ABCB5: variants seen among roughly 807,000 people sequenced by gnomAD.
ABCB5 encodes ATP binding cassette subfamily B member 5.
Under a neutral mutation model 144.2 loss-of-function variants are expected in ABCB5, and 155 were observed. The ratio of observed to expected loss-of-function variants is 1.08; its 90% CI spans 0.94 to 1.23. The LOEUF (loss-of-function observed/expected upper bound fraction) is 1.23. ABCB5 is among the 50% of genes most tolerant of loss of function. The pLI is 0.00. For synonymous variants in ABCB5, 610 were observed against 528.6 expected, an observed-to-expected ratio of 1.15 and a Z score of -2.11; for missense variants, 1,830 against 1,520.8, an observed-to-expected ratio of 1.20 and a Z score of -3.38.
intron 23 of ABCB5, among the ~76,000 whole-genome samples, chr7:20,732,529 T>A (rs1200582059): frequency 6.6e-6 from 1 of 152,226 alleles, no homozygotes; most frequent in Non-Finnish European, 1.5e-5. Context: ...ATTGAATGAA[T>A]GACTGAATCA....
chr7:20,668,207 T>C (rs1785278732), intron 14 of ABCB5, among the ~76,000 whole-genome samples: 1 of 147,482 alleles, frequency 6.8e-6, no homozygotes, highest in African/African-American at 2.6e-5. Flanking sequence ...GAGGAGCCTC[T>C]CTGCCTGGCT....
At chr7:20,627,512 G>C (rs535134962) in intron 3 of ABCB5, among the ~76,000 whole-genome samples, 1 of 151,428 alleles carries the variant, frequency 6.6e-6, no homozygotes, top group African/African-American at 2.4e-5. Context: ...TTTTATTTTG[G>C]CCTCTCTCGG....
At chr7:20,665,814 T>C (rs1273469181) in intron 14 of ABCB5, among the ~76,000 whole-genome samples, 3 of 138,702 alleles carry the variant, frequency 2.2e-5, no homozygotes, top group East Asian at 4.4e-4. Context: ...CATACAGATA[T>C]AGATATACAA....
intron 14 of ABCB5, among the ~76,000 whole-genome samples, chr7:20,676,739 T>A (rs900782520): frequency 5.3e-5 from 8 of 152,216 alleles, no homozygotes; most frequent in Non-Finnish European, 1.0e-4. Context: ...AGAGGATAGA[T>A]CTCATGTGAA....
At chr7:20,633,600 C>T (rs948220838) in intron 5 of ABCB5, among the ~76,000 whole-genome samples, 7 of 152,066 alleles carry the variant, frequency 4.6e-5, no homozygotes, top group African/African-American at 1.7e-4. Flanking sequence ...AAACATTTGT[C>T]GTTTCTTCGT....
At chr7:20,722,193 T>G (rs997462198) in intron 20 of ABCB5, among the ~76,000 whole-genome samples, 4 of 152,210 alleles carry the variant, frequency 2.6e-5, no homozygotes, top group African/African-American at 7.2e-5. Context: ...TAAGTTAGGG[T>G]TGAAGAGATG....
intron 14 of ABCB5, among the ~76,000 whole-genome samples, chr7:20,679,973 T>G (rs1434546068): frequency 6.6e-6 from 1 of 151,734 alleles, no homozygotes; most frequent in African/African-American, 2.4e-5. Context: ...AACCTATAAA[T>G]AGTAGGGGGA....
At chr7:20,690,994 T>C (rs1786202027) in intron 16 of ABCB5, among the ~76,000 whole-genome samples, 3 of 151,950 alleles carry the variant, frequency 2.0e-5, no homozygotes, top group Non-Finnish European at 4.4e-5. Flanking sequence ...ACTAAGAAAC[T>C]GAACAAAATA....
chr7:20,733,584 G>C (rs1334464730), intron 23 of ABCB5, among the ~76,000 whole-genome samples: 17 of 151,758 alleles, frequency 1.1e-4, no homozygotes, highest in Non-Finnish European at 4.4e-5. Context: ...GGAAGAAATA[G>C]AGAGCTATCT....
At chr7:20,725,708 T>A (rs1298322465) in intron 21 of ABCB5, among the ~76,000 whole-genome samples, 3 of 152,212 alleles carry the variant, frequency 2.0e-5, no homozygotes. Context: ...TTCATTCCTT[T>A]TTTTATCTTC....
At chr7:20,750,621 T>C (rs1412192231) in intron 26 of ABCB5, among the ~76,000 whole-genome samples, 1 of 152,146 alleles carries the variant, frequency 6.6e-6, no homozygotes, top group African/African-American at 2.4e-5. Flanking sequence ...ATATATTATC[T>C]ATTAAATATA....
At chr7:20,733,133 G>C (rs1430052796) in intron 23 of ABCB5, among the ~76,000 whole-genome samples, 1 of 152,124 alleles carries the variant, frequency 6.6e-6, no homozygotes, top group Non-Finnish European at 1.5e-5. Context: ...GCAGAGCACA[G>C]ATTCAAGTTC....
chr7:20,742,906 A>T lies in ABCB5; in HGVS notation c.3054A>T (p.Arg1018=), dbSNP rs1255877800. 7.4e-6 allele frequency: 12 copies of T among 1,614,096 alleles called. No homozygotes were observed. The highest frequency in any genetic ancestry group is 4.0e-5 in the African/African-American group (3 of 74,944). Residue 1018 remains arginine, a synonymous_variant, in exon 25 of 28, where the codon CGA becomes CGT. Coordinates refer to ENST00000404938, the MANE Select transcript of ABCB5 (RefSeq NM_001163941.2). ...PDTCEGNLEF[R]EVSFFYPCRP... ...CATGTGAAGGGAATTTAGAGTTTCG[A>T]GAAGTCTCTTTCTTCTATCCATGTC...
chr7:20,646,081 T>G lies in ABCB5; in HGVS notation c.924T>G (p.Tyr308Ter). 1 of 1,613,832 alleles carries G rather than the reference T, an allele frequency of 6.2e-7. No individual in the cohort carries two copies. The highest frequency in any genetic ancestry group is 8.5e-7 in the Non-Finnish European group (1 of 1,179,776). Residue 308 changes from tyrosine to a stop codon, truncating the protein, a stop_gained, in exon 9 of 28, where the codon TAT becomes TAG. Coordinates refer to ENST00000404938, the MANE Select transcript of ABCB5 (RefSeq NM_001163941.2). LOFTEE classifies it high-confidence loss of function. Reference sequence around the variant, plus strand: ...GAACCTATGGACTTGCTTTTTGGTATGGAACCTCCTTGATTCTTAATGGAG... The same window carrying G: ...GAACCTATGGACTTGCTTTTTGGTAGGGAACCTCCTTGATTCTTAATGGAG... ...MNGTYGLAFWYGTSLILNGEP... is the reference protein window; with the variant it reads ...MNGTYGLAFW
Position 20,628,813 on chromosome 7 carries a change from T to TG in ABCB5, c.236dup (p.Cys80MetfsTer6), listed in dbSNP as rs1210549895. ...GAGAAATGAGTGATAACCTTATTAG[T>TG]GGATGTCTAGTCCAAACTAACACAA... On this transcript the variant is annotated frameshift_variant, in exon 4 of 28. Coordinates refer to ENST00000404938, the MANE Select transcript of ABCB5 (RefSeq NM_001163941.2). LOFTEE classifies it high-confidence loss of function. The TG allele has an allele frequency of 1.9e-6, 3 of 1,613,738 alleles. No individual in the cohort carries two copies. The Admixed American group carries it at 5.0e-5, about 27-fold the overall frequency.
At chr7:20,618,229 C>G (rs944728251) in intron 1 of ABCB5, among the ~76,000 whole-genome samples, 2 of 152,172 alleles carry the variant, frequency 1.3e-5, no homozygotes, top group East Asian at 3.8e-4. Context: ...CACCCAGCAA[C>G]TACTAACTTA....
At position 20,651,427 on chromosome 7, in the gene ABCB5, T is replaced by A. The variant is rs777813820; in HGVS notation, c.1340T>A (p.Val447Glu). ...CATTCTTTGGATTGGCAGATCATGG[T>A]GGATGAGAATGACATCAGAGCTTTA... The part of the protein sequence containing the change: ...LYDPDDGFIM[V>E]DENDIRALNV... Residue 447 changes from valine to glutamate, a missense_variant, in exon 13 of 28, where the codon GTG (valine) becomes GAG (glutamate). By Grantham distance (121) the Val-to-Glu change is moderately radical (BLOSUM62 -2). Coordinates refer to ENST00000404938, the MANE Select transcript of ABCB5 (RefSeq NM_001163941.2). The A allele has an allele frequency of 5.6e-6, 9 of 1,613,926 alleles. No individual in the cohort carries two copies. In the African/African-American group the frequency reaches 1.2e-4, roughly 22 times the overall value.
chr7:20,654,810 A>C (rs1784718426), intron 13 of ABCB5, among the ~76,000 whole-genome samples: 1 of 152,164 alleles, frequency 6.6e-6, no homozygotes, highest in Non-Finnish European at 1.5e-5. Context: ...AGTATTTGTG[A>C]GATATAGTTA....
At chr7:20,710,384 G>A (rs1189041398) in intron 20 of ABCB5, among the ~76,000 whole-genome samples, 2,108 of 87,278 alleles carry the variant, frequency 0.024, 315 homozygotes, top group African/African-American at 0.093. Context: ...AAAAAAAAGT[G>A]GGGGGGGGGC....
Sources: allele counts gnomAD v4.1 joint callset (sites outside exome capture counted in the v4.1 genomes callset), GRCh38; gene constraint gnomAD v4.1.1; transcripts MANE v1.5; gene names NCBI Gene and HGNC (gene_info 2026-07-23, HGNC 2026-07-21).